BAZ2B: variants seen among roughly 807,000 people sequenced by gnomAD.
BAZ2B encodes bromodomain adjacent to zinc finger domain protein 2B.
BAZ2B carries 91 observed loss-of-function variants against 246.0 expected under a neutral mutation model. That is an observed-to-expected ratio of 0.37 (90% CI 0.31 to 0.44). The LOEUF is 0.44. Among genes scored for constraint, BAZ2B ranks in the 20% least tolerant of loss-of-function variants. The pLI is 1.00. For missense variants in BAZ2B, 2,332 were observed against 2,533.7 expected, an observed-to-expected ratio of 0.92 and a Z score of 1.71; for synonymous variants, 855 against 860.0, an observed-to-expected ratio of 0.99 and a Z score of 0.10.
the BAZ2B span, among the ~76,000 whole-genome samples, chr2:159,622,642 C>A: frequency 6.6e-6 from 1 of 152,174 alleles, no homozygotes; most frequent in East Asian, 1.9e-4. Flanking sequence ...ATATGTAAAG[C>A]CTGCCTAAAA....
At chr2:159,363,539 T>C (rs368759347) in intron 27 of BAZ2B, among the ~76,000 whole-genome samples, 46 of 152,102 alleles carry the variant, frequency 3.0e-4, no homozygotes, top group East Asian at 2.3e-3. Flanking sequence ...GAGGCGGAAA[T>C]GGAAAGAGAC....
At chr2:159,325,108 ATATATATTTTATATATATATATATATAT>A in intron 35 of BAZ2B, among the ~76,000 whole-genome samples, 154 bp from the exon 36 acceptor site, 1 of 2,176 alleles carries the variant, frequency 4.6e-4, no homozygotes, top group Non-Finnish European at 8.3e-4. Context: ...ATATATATAT[ATATATATTTTATATATATATATATATAT>A]ATATATATAT....
At chr2:159,575,742 A>G (rs1685136960) in intron 1 of BAZ2B, among the ~76,000 whole-genome samples, 1 of 152,210 alleles carries the variant, frequency 6.6e-6, no homozygotes, top group Non-Finnish European at 1.5e-5. Flanking sequence ...GCATGATTAT[A>G]TGTACTCCAT....
intron 25 of BAZ2B, among the ~76,000 whole-genome samples, chr2:159,380,534 T>C (rs893722015): frequency 7.9e-5 from 12 of 152,168 alleles, no homozygotes; most frequent in South Asian, 2.1e-4. Flanking sequence ...GCAGGCCTGA[T>C]TGGTATCCTC....
At chr2:159,438,779 G>A (rs1390790741) in intron 7 of BAZ2B, 84 bp from the exon 8 acceptor site, 2 of 1,453,626 alleles carry the variant, frequency 1.4e-6, no homozygotes, top group South Asian at 1.4e-5. Flanking sequence ...ATAAAAACGG[G>A]TACTTTCAAA....
intron 2 of BAZ2B, among the ~76,000 whole-genome samples, chr2:159,552,274 A>AT (rs1433026195): frequency 6.6e-6 from 1 of 152,218 alleles, no homozygotes. Flanking sequence ...GAAAGTCAAT[A>AT]AAGTTATCAC....
chr2:159,629,943 G>C, the BAZ2B span, among the ~76,000 whole-genome samples: 1 of 152,142 alleles, frequency 6.6e-6, no homozygotes, highest in East Asian at 1.9e-4. Flanking sequence ...GGAGAAAAAT[G>C]TAGTATAGTA....
At chr2:159,477,171 G>C (rs1459772968) in intron 3 of BAZ2B, among the ~76,000 whole-genome samples, 1 of 152,072 alleles carries the variant, frequency 6.6e-6, no homozygotes, top group Non-Finnish European at 1.5e-5. Flanking sequence ...TAGGTGTGGT[G>C]GTGGGCACCT....
chr2:159,383,519 TA>T, intron 24 of BAZ2B, 86 bp downstream of exon 24: 1 of 1,155,348 alleles, frequency 8.7e-7, no homozygotes, highest in Non-Finnish European at 1.3e-6. Flanking sequence ...AATAAAAGTT[TA>T]AATTCTATCT....
intron 3 of BAZ2B, among the ~76,000 whole-genome samples, chr2:159,465,857 T>C (rs540401125): frequency 3.0e-4 from 45 of 151,578 alleles, no homozygotes; most frequent in African/African-American, 1.1e-3. Flanking sequence ...GAGGTTGCAG[T>C]GAGCTGAGAT....
chr2:159,506,280 T>G (rs1371051641), intron 2 of BAZ2B, among the ~76,000 whole-genome samples: 1 of 152,124 alleles, frequency 6.6e-6, no homozygotes, highest in Admixed American at 6.6e-5. Context: ...CTACCTCACC[T>G]ATATCCAGAG....
chr2:159,705,875 G>GA, the BAZ2B span, among the ~76,000 whole-genome samples: 3 of 150,604 alleles, frequency 2.0e-5, no homozygotes, highest in Admixed American at 1.3e-4. Flanking sequence ...CAATAGAAAT[G>GA]AAAAAAACAC....
intron 2 of BAZ2B, among the ~76,000 whole-genome samples, chr2:159,525,317 A>C (rs2084612481): frequency 1.3e-5 from 2 of 152,182 alleles, no homozygotes; most frequent in Admixed American, 1.3e-4. Context: ...CCCTAATAAC[A>C]GGAATCATGA....
chr2:159,443,679 G>A (rs1232434379), intron 6 of BAZ2B, among the ~76,000 whole-genome samples: 1 of 152,088 alleles, frequency 6.6e-6, no homozygotes, highest in Admixed American at 6.6e-5. Context: ...CACTTGAATA[G>A]ACAATCTCTC....
At chr2:159,336,918 T>C (rs766113888) in intron 33 of BAZ2B, 24 bp downstream of exon 33, 9 of 1,544,354 alleles carry the variant, frequency 5.8e-6, no homozygotes, top group South Asian at 1.2e-5. Context: ...TTAGTTATAA[T>C]ATTTCTTAAA....
chr2:159,597,343 T>G (rs1051485758), intron 1 of BAZ2B, among the ~76,000 whole-genome samples: 1 of 152,224 alleles, frequency 6.6e-6, no homozygotes, highest in Non-Finnish European at 1.5e-5. Flanking sequence ...GAATACTAGT[T>G]AATTCCTTCA....
At chr2:159,508,242 T>C (rs2082543309) in intron 2 of BAZ2B, among the ~76,000 whole-genome samples, 1 of 152,176 alleles carries the variant, frequency 6.6e-6, no homozygotes, top group East Asian at 1.9e-4. Context: ...GTTCAGCAGG[T>C]TCCTTGAAAT....
intron 1 of BAZ2B, among the ~76,000 whole-genome samples, chr2:159,586,036 G>C (rs1286190736): frequency 6.6e-6 from 1 of 152,172 alleles, no homozygotes; most frequent in Non-Finnish European, 1.5e-5. Context: ...TTCATACTCA[G>C]AATCTGAATG....
intron 2 of BAZ2B, among the ~76,000 whole-genome samples, chr2:159,549,869 G>T (rs1344972747): frequency 3.4e-5 from 5 of 146,762 alleles, no homozygotes; most frequent in Non-Finnish European, 7.4e-5. Flanking sequence ...TGTAGCCCAG[G>T]CTGGAGTGCA....
Sources: gnomAD v4.1 joint callset for allele counts (sites outside exome capture counted in the v4.1 genomes callset) on GRCh38, gnomAD v4.1.1 for gene constraint, MANE v1.5 for transcripts, NCBI Gene and HGNC (gene_info 2026-07-23, HGNC 2026-07-21) for gene names.